The following GRID2 variants were observed in gnomAD, a reference collection of about 807,000 sequenced individuals.
GRID2 encodes glutamate receptor ionotropic, delta-2.
Under a neutral mutation model 114.8 loss-of-function variants are expected in GRID2, and 33 were observed. The ratio of observed to expected loss-of-function variants is 0.29; its 90% CI spans 0.22 to 0.38. The LOEUF (loss-of-function observed/expected upper bound fraction) is 0.38. GRID2 is among the 10% of genes least tolerant of loss of function. The probability of loss-of-function intolerance (pLI) is 1.00; values close to 1 mark genes in which losing one functional copy is unlikely to be tolerated. For missense variants in GRID2, 1,184 were observed against 1,257.7 expected (o/e 0.94, Z 0.89); for synonymous variants, 505 against 449.9 (o/e 1.12, Z -1.55).
intron 13 of GRID2, among the ~76,000 whole-genome samples, chr4:93,524,411 CA>C (rs1413737570): frequency 1.3e-5 from 2 of 151,942 alleles, no homozygotes; most frequent in Non-Finnish European, 2.9e-5. Flanking sequence ...AGTCATCACA[CA>C]AAGAAAGAAG....
chr4:93,747,226 G>C (rs1731917848), intron 14 of GRID2, among the ~76,000 whole-genome samples: 1 of 151,950 alleles, frequency 6.6e-6, no homozygotes. Flanking sequence ...CTTCCATACT[G>C]CTTTGCTTAG....
chr4:92,450,785 T>A (rs1451890635), intron 1 of GRID2, among the ~76,000 whole-genome samples: 2 of 150,260 alleles, frequency 1.3e-5, no homozygotes, highest in African/African-American at 4.8e-5. Context: ...TAAAAGTGTG[T>A]TAATAAATTT....
chr4:93,804,961 C>T (rs1735003265), intron 1 of GRID2, among the ~76,000 whole-genome samples: 1 of 152,184 alleles, frequency 6.6e-6, no homozygotes, highest in African/African-American at 2.4e-5. Context: ...AGATGTATCT[C>T]CCAACCAGAT....
chr4:92,831,705 A>C (rs554079224), intron 2 of GRID2, among the ~76,000 whole-genome samples: 1 of 152,000 alleles, frequency 6.6e-6, no homozygotes, highest in Middle Eastern at 3.4e-3. Flanking sequence ...AATTAAAGTA[A>C]AGTTAGCTGG....
At chr4:93,391,222 T>A (rs1764822571) in intron 8 of GRID2, among the ~76,000 whole-genome samples, 1 of 152,210 alleles carries the variant, frequency 6.6e-6, no homozygotes, top group Non-Finnish European at 1.5e-5. Context: ...GCACACTGCA[T>A]TCATTCACAT....
intron 1 of GRID2, among the ~76,000 whole-genome samples, chr4:92,463,677 A>G (rs1721603587): frequency 6.6e-6 from 1 of 151,970 alleles, no homozygotes; most frequent in South Asian, 2.1e-4. Flanking sequence ...CTGATGTTCT[A>G]TCTTCTTACG....
At chr4:92,412,636 T>G (rs986560601) in intron 1 of GRID2, among the ~76,000 whole-genome samples, 1 of 152,118 alleles carries the variant, frequency 6.6e-6, no homozygotes, top group Non-Finnish European at 1.5e-5. Context: ...TTCATTACAC[T>G]CAAATTTCAT....
intron 2 of GRID2, among the ~76,000 whole-genome samples, chr4:92,974,057 AT>A (rs762931331): frequency 2.6e-5 from 4 of 152,238 alleles, no homozygotes; most frequent in Non-Finnish European, 5.9e-5. Context: ...AAAAGAAGAC[AT>A]TTATGCAACC....
chr4:92,394,051 G>A (rs544630918), intron 1 of GRID2, among the ~76,000 whole-genome samples: 1 of 152,146 alleles, frequency 6.6e-6, no homozygotes, highest in Admixed American at 6.6e-5. Flanking sequence ...GTTTGTATAA[G>A]GTTACTCACT....
intron 4 of GRID2, among the ~76,000 whole-genome samples, chr4:93,165,357 T>G (rs531511358): frequency 6.6e-6 from 1 of 151,900 alleles, no homozygotes; most frequent in Non-Finnish European, 1.5e-5. Flanking sequence ...ATAGCCAAAG[T>G]CAAGGTTATT....
chr4:93,418,905 A>G (rs190898308), intron 9 of GRID2, among the ~76,000 whole-genome samples: 25 of 152,028 alleles, frequency 1.6e-4, no homozygotes, highest in Admixed American at 1.2e-3. Context: ...CTGGATTTTA[A>G]TCCATAGGTG....
intron 7 of GRID2, among the ~76,000 whole-genome samples, chr4:93,237,338 T>C (rs1009510178): frequency 6.6e-6 from 1 of 151,934 alleles, no homozygotes; most frequent in African/African-American, 2.4e-5. Flanking sequence ...AAATAGTTTA[T>C]TGAACTCATC....
chr4:93,649,753 CAG>C (rs1481712672), intron 14 of GRID2, among the ~76,000 whole-genome samples: 1 of 152,106 alleles, frequency 6.6e-6, no homozygotes, highest in Non-Finnish European at 1.5e-5. Flanking sequence ...TACAGCCTGA[CAG>C]AGTTAGAGTT....
chr4:92,574,414 T>A (rs1397032623), intron 1 of GRID2, among the ~76,000 whole-genome samples: 1 of 12,716 alleles, frequency 7.9e-5, no homozygotes, highest in Admixed American at 7.1e-4. Context: ...TACTTTAGTA[T>A]TTTTTTTTTT....
At chr4:92,318,405 A>G (rs1245143028) in intron 1 of GRID2, among the ~76,000 whole-genome samples, 2 of 148,962 alleles carry the variant, frequency 1.3e-5, no homozygotes, top group African/African-American at 4.9e-5. Context: ...TAGTTAGGGA[A>G]TAAGTTGTTT....
At chr4:93,072,707 A>G (rs538228094) in intron 2 of GRID2, among the ~76,000 whole-genome samples, 85 of 152,268 alleles carry the variant, frequency 5.6e-4, no homozygotes, top group African/African-American at 1.9e-3. Flanking sequence ...ATTTTTAAAC[A>G]ATAAGAAATG....
intron 1 of GRID2, among the ~76,000 whole-genome samples, chr4:92,444,392 G>C (rs1317189217): frequency 3.4e-5 from 5 of 147,804 alleles, no homozygotes; most frequent in Non-Finnish European, 7.7e-5. Context: ...TTCTCTGGCG[G>C]GCAGGAGTGG....
At chr4:93,496,162 T>C (rs144063594) in intron 12 of GRID2, among the ~76,000 whole-genome samples, 4 of 149,920 alleles carry the variant, frequency 2.7e-5, no homozygotes, top group African/African-American at 9.8e-5. Flanking sequence ...AATAGGAAAG[T>C]ACAAAAAGAT....
At chr4:92,360,515 T>TA (rs1294802525) in intron 1 of GRID2, among the ~76,000 whole-genome samples, 3 of 151,946 alleles carry the variant, frequency 2.0e-5, no homozygotes, top group African/African-American at 4.8e-5. Flanking sequence ...GTTCTTTTCC[T>TA]AAAAAAATTC....
Sources: gnomAD v4.1 joint callset for allele counts (sites outside exome capture counted in the v4.1 genomes callset) on GRCh38, gnomAD v4.1.1 for gene constraint, MANE v1.5 for transcripts, NCBI Gene and HGNC (gene_info 2026-07-23, HGNC 2026-07-21) for gene names.